The following BDH1 variants were observed in gnomAD, a reference collection of about 807,000 sequenced individuals.
BDH1 encodes 3-hydroxybutyrate dehydrogenase 1, also known as D-beta-hydroxybutyrate dehydrogenase, mitochondrial.
In BDH1, 30 loss-of-function variants were observed where a neutral mutation model predicts 33.1. The ratio of observed to expected loss-of-function variants is 0.91; its 90% CI spans 0.68 to 1.23. The LOEUF is 1.23. Ranked by LOEUF, BDH1 falls within the 50% of genes most tolerant of loss-of-function variation. The pLI is 0.00. For synonymous variants in BDH1, 190 were observed against 183.6 expected (o/e 1.03, Z -0.28); for missense variants, 443 against 464.4 (o/e 0.95, Z 0.42).
intron 1 of BDH1, among the ~76,000 whole-genome samples, chr3:197,570,689 G>A (rs1381241789): frequency 1.3e-5 from 2 of 152,224 alleles, no homozygotes; most frequent in African/African-American, 4.8e-5. Context: ...ATTGAGGATT[G>A]GGAACCTCCA....
At chr3:197,560,464 C>A (rs1717221651), upstream of BDH1, among the ~76,000 whole-genome samples, 1 of 152,168 alleles carries the variant, frequency 6.6e-6, no homozygotes. Context: ...AAGTTACTAG[C>A]CAATCAGGAC....
intron 6 of BDH1, among the ~76,000 whole-genome samples, chr3:197,517,378 T>TG (rs1247698703): frequency 5.4e-5 from 6 of 111,090 alleles, no homozygotes; most frequent in African/African-American, 1.8e-4. Context: ...TCCTGCTGTA[T>TG]GTCTCCATCC....
upstream of BDH1, among the ~76,000 whole-genome samples, chr3:197,559,656 T>A (rs1330258711): frequency 6.6e-6 from 1 of 152,204 alleles, no homozygotes; most frequent in Non-Finnish European, 1.5e-5. Flanking sequence ...AAGGAAGAAT[T>A]TATTTGTTTG....
rs1328325001 is a variant in BDH1, at chr3:197,522,700, T to G, written c.349A>C (p.Ser117Arg). The change falls in exon 6 of 8, where the codon AGC becomes CGC. Residue 117 changes from serine (S) to arginine (R), a missense_variant. Transcript: ENST00000392379. This position sits in a 1 kb window ranked among gnomAD's most constrained non-coding sequence, Gnocchi z 4.8. ...TCCACCACTTTCTCCACCTCTTCGC[T>G]GCTGCAGACATTGAGCTGGACGGTT... ...LRTVQLNVCSSEEVEKVVEIV... is the reference protein window; with the variant it reads ...LRTVQLNVCSREEVEKVVEIV... 2.5e-6 allele frequency: 4 copies of G among 1,614,230 alleles called. No individual in the cohort carries two copies. The highest frequency in any genetic ancestry group is 2.5e-6 in the Non-Finnish European group (3 of 1,180,022).
In BDH1 at chr3:197,514,219, G is replaced by A. The variant is rs866312273; in HGVS notation, c.562+45C>T. ...TTCCATTCTGAGCAAAGATGAACAC[G>A]TGGGGCAGGTTCAGGGGCAGGAGGG... On this transcript the variant is annotated intron_variant, in intron 7 of 7. Coordinates refer to ENST00000392379, the MANE Select transcript of BDH1 (RefSeq NM_203314.3). The surrounding 1 kb of genome is among the most constrained non-coding windows in gnomAD (Gnocchi z 4.2). 1.3e-5 allele frequency: 20 copies of A among 1,580,064 alleles called. No homozygotes were observed. The highest frequency in any genetic ancestry group is 1.7e-4 in the Middle Eastern group (1 of 5,910).
chr3:197,513,651 C>T (rs1041082703), intron 7 of BDH1, among the ~76,000 whole-genome samples: 1 of 152,240 alleles, frequency 6.6e-6, no homozygotes, highest in Non-Finnish European at 1.5e-5. Flanking sequence ...CCTACAGCTG[C>T]AGTCTGTGTT....
upstream of BDH1, among the ~76,000 whole-genome samples, chr3:197,558,818 A>C (rs1717166669): frequency 6.6e-6 from 1 of 152,088 alleles, no homozygotes; most frequent in Non-Finnish European, 1.5e-5. Flanking sequence ...CTGTTTTTGA[A>C]GCCTTGTCTC....
intron 4 of BDH1, among the ~76,000 whole-genome samples, chr3:197,532,819 A>G (rs1304738436): frequency 3.3e-5 from 5 of 152,216 alleles, no homozygotes; most frequent in African/African-American, 9.6e-5. Context: ...AAAACGCTCA[A>G]TGTAGCTAGT....
chr3:197,526,994 G>C lies in BDH1; in HGVS notation c.268-4213C>G, dbSNP rs1343855533. Reference sequence around the variant, plus strand: ...AGCACACTAACAACTCTTTCCAGTCGCTCAACCTCTTCTATTTCCATTTCT... The same window carrying C: ...AGCACACTAACAACTCTTTCCAGTCCCTCAACCTCTTCTATTTCCATTTCT... On this transcript the variant is annotated intron_variant, in intron 5 of 7. Transcript: ENST00000392379. This position sits in a 1 kb window ranked among gnomAD's most constrained non-coding sequence, Gnocchi z 4.7. 6.6e-6 allele frequency among the ~76,000 whole-genome samples: 1 copy of C among 152,150 alleles called. No individual in the cohort carries two copies. Among genetic ancestry groups the C allele is most frequent in the Non-Finnish European group, 1.5e-5 (1 of 68,032 alleles).
chr3:197,553,653 C>G (rs1008795455), intron 2 of BDH1, among the ~76,000 whole-genome samples: 2 of 152,006 alleles, frequency 1.3e-5, no homozygotes, highest in African/African-American at 4.8e-5. Context: ...GCAGGGAGAC[C>G]CATTAGGATC....
intron 2 of BDH1, among the ~76,000 whole-genome samples, chr3:197,551,211 T>C (rs1716542934): frequency 6.6e-6 from 1 of 152,228 alleles, no homozygotes; most frequent in Non-Finnish European, 1.5e-5. Context: ...TTCTCCCCAC[T>C]GCACAGACCC....
At chr3:197,547,856 C>T (rs62282559) in intron 2 of BDH1, among the ~76,000 whole-genome samples, 12,466 of 152,146 alleles carry the variant, frequency 0.082, 729 homozygotes, top group African/African-American at 0.16. Context: ...CCTGCTCTGC[C>T]CTCATCCTGG....
intron 1 of BDH1, among the ~76,000 whole-genome samples, chr3:197,568,998 C>T (rs1717521040): frequency 6.6e-6 from 1 of 152,196 alleles, no homozygotes; most frequent in Non-Finnish European, 1.5e-5. Context: ...TGCATTATTT[C>T]ACTTACTTTT....
intron 3 of BDH1, among the ~76,000 whole-genome samples, chr3:197,534,588 G>A (rs1714983607): frequency 6.6e-6 from 1 of 152,172 alleles, no homozygotes; most frequent in African/African-American, 2.4e-5. Flanking sequence ...TCTTGGGTAG[G>A]TGCCCAGGGG....
At chr3:197,519,626 TGC>T in intron 6 of BDH1, among the ~76,000 whole-genome samples, 1 of 152,122 alleles carries the variant, frequency 6.6e-6, no homozygotes, top group Middle Eastern at 3.4e-3. Flanking sequence ...ATCGCACCAT[TGC>T]ACTCCAGCCT....
intron 1 of BDH1, among the ~76,000 whole-genome samples, chr3:197,571,027 G>C (rs1717589184): frequency 6.6e-6 from 1 of 152,226 alleles, no homozygotes; most frequent in African/African-American, 2.4e-5. Context: ...CAAGACCATG[G>C]GAACCCACCT....
At chr3:197,543,844 C>T (rs1352376068) in intron 3 of BDH1, among the ~76,000 whole-genome samples, 1 of 152,088 alleles carries the variant, frequency 6.6e-6, no homozygotes, top group East Asian at 1.9e-4. Flanking sequence ...TGAGGTGGCA[C>T]AGTGCCCCTG....
At chr3:197,543,358 G>T (rs1469927644) in intron 3 of BDH1, among the ~76,000 whole-genome samples, 2 of 152,242 alleles carry the variant, frequency 1.3e-5, no homozygotes, top group Non-Finnish European at 2.9e-5. Flanking sequence ...GGAGGCAAGA[G>T]CCCTTCTCCA....
chr3:197,547,388 C>A (rs1716174570), intron 2 of BDH1, among the ~76,000 whole-genome samples: 1 of 152,224 alleles, frequency 6.6e-6, no homozygotes, highest in African/African-American at 2.4e-5. Flanking sequence ...GCCTGGGAGG[C>A]TCCTCCCCTG....
Sources: gnomAD v4.1 joint callset for allele counts (sites outside exome capture counted in the v4.1 genomes callset) on GRCh38, gnomAD v4.1.1 for gene constraint, Gnocchi (gnomAD v3.1) non-coding constraint, MANE v1.5 for transcripts, NCBI Gene and HGNC (gene_info 2026-07-23, HGNC 2026-07-21) for gene names.